DNAH1: variants seen among roughly 807,000 people sequenced by gnomAD.
The protein encoded by DNAH1 is axonemal beta dynein heavy chain 1.
A neutral mutation model predicts 484.3 loss-of-function variants in DNAH1; 327 were observed. The observed-to-expected ratio is 0.68, with a 90% CI of 0.62 to 0.74. The LOEUF (loss-of-function observed/expected upper bound fraction) is 0.74, where lower values mean the gene tolerates loss of function less well. Ranked by LOEUF, DNAH1 falls within the 30% of genes least tolerant of loss-of-function variation. The pLI, the probability that DNAH1 is intolerant of heterozygous loss-of-function variation, is 0.00. For synonymous variants in DNAH1, 2,192 were observed against 2,191.9 expected (o/e 1.00, Z 0.00); for missense variants, 5,052 against 5,546.8 (o/e 0.91, Z 2.83).
rs2153225921 is a variant in DNAH1, at chr3:52,399,708, C to T, written c.12605C>T (p.Pro4202Leu). The change falls in exon 77 of 78, where the codon CCA (proline) becomes CTA (leucine). Residue 4202 changes from proline to leucine, a missense_variant. Physicochemically the swap from Pro to Leu is moderately conservative, Grantham distance 98. This residue lies in a region of DNAH1 where 853 missense variants were observed against 899.0 expected (regional missense o/e 0.95). Transcript: ENST00000420323. The stretch of plus-strand genomic sequence containing the variant: ...GAGATGGCCGTTATCTGGCTCTTGC[C>T]AACACCCAACCGCAAGGCCCAGGAC... ...YTEMAVIWLL[P>L]TPNRKAQDQD... is the part of the protein sequence containing the mutation. 6.2e-7 allele frequency: 1 copy of T among 1,614,032 alleles called. No homozygotes were observed. Among genetic ancestry groups the T allele is most frequent in the African/African-American group, 1.3e-5 (1 of 75,060 alleles).
At chr3:52,318,095 A>G (rs1036348160) in intron 1 of DNAH1, among the ~76,000 whole-genome samples, 1 of 152,226 alleles carries the variant, frequency 6.6e-6, no homozygotes, top group Admixed American at 6.5e-5. Context: ...TCTGTCGCCC[A>G]GGCTGGAGTG....
At position 52,362,438 on chromosome 3, in the gene DNAH1, C is replaced by T. The variant is rs541221186; in HGVS notation, c.5031C>T (p.Cys1677=). ...TGGAGATCCCACTGGTGCCATCCTG[C>T]GCAGTGTTTATCACCATGAACCCGG... is the stretch of plus-strand genomic sequence containing the variant. ...EGVEIPLVPS[C]AVFITMNPGY... Residue 1677 remains cysteine (C), a synonymous_variant, in exon 31 of 78, where the codon TGC becomes TGT. Coordinates refer to ENST00000420323, the MANE Select transcript of DNAH1 (RefSeq NM_015512.5). The surrounding 1 kb of genome is among the most constrained non-coding windows in gnomAD (Gnocchi z 5.1). 2.5e-5 allele frequency: 41 copies of T among 1,614,006 alleles called. 1 individual carries two copies. The South Asian group carries it at 3.4e-4, about 13-fold the overall frequency.
At chr3:52,344,116 A>G (rs1394469210) in intron 8 of DNAH1, among the ~76,000 whole-genome samples, 1 of 152,188 alleles carries the variant, frequency 6.6e-6, no homozygotes, top group Non-Finnish European at 1.5e-5. Flanking sequence ...CCACTGCACC[A>G]TGGGGCAGCA....
At chr3:52,393,285 C>T in intron 65 of DNAH1, 49 bp from the exon 66 acceptor site, 1 of 1,594,910 alleles carries the variant, frequency 6.3e-7, no homozygotes, top group Non-Finnish European at 8.6e-7. Flanking sequence ...CCCCGGGGCT[C>T]TTCCTTCCTC....
chr3:52,316,483 A>C lies in DNAH1; in HGVS notation c.-97A>C, dbSNP rs1308708393. 1 of 152,252 alleles carries C rather than the reference A, an allele frequency of 6.6e-6. No homozygotes were observed. Among genetic ancestry groups the C allele is most frequent in the African/African-American group, 2.4e-5 (1 of 41,444 alleles). 9.4% of individuals were successfully genotyped at this position (152,252 alleles called of 1,614,324 possible). On this transcript the variant is annotated 5_prime_UTR_variant, in exon 1 of 78. Coordinates refer to ENST00000420323, the MANE Select transcript of DNAH1 (RefSeq NM_015512.5). ...TCACTGAGTACCTGTGTGAATGCCA[A>C]CAAGAAAAATAAAACCACAGTTTGG...
upstream of DNAH1, among the ~76,000 whole-genome samples, chr3:52,312,888 G>A (rs991972507): frequency 2.0e-5 from 3 of 152,070 alleles, no homozygotes; most frequent in Non-Finnish European, 4.4e-5. Flanking sequence ...TCCTGACCTC[G>A]TGATCTGCCC....
At chr3:52,360,488 GA>G in intron 28 of DNAH1, 64 bp downstream of exon 28, 1 of 1,412,252 alleles carries the variant, frequency 7.1e-7, no homozygotes, top group Non-Finnish European at 9.9e-7. Context: ...TCTGGCCCAG[GA>G]ATCCAGGGAC....
intron 8 of DNAH1, among the ~76,000 whole-genome samples, chr3:52,332,778 CTT>C (rs1701603135): frequency 6.6e-6 from 1 of 152,218 alleles, no homozygotes; most frequent in South Asian, 2.1e-4. Flanking sequence ...CCTAAGATAA[CTT>C]TACTTTCTGG....
At chr3:52,369,718 C>T in intron 37 of DNAH1, 107 bp from the exon 38 acceptor site, 2 of 1,262,370 alleles carry the variant, frequency 1.6e-6, no homozygotes, top group South Asian at 1.5e-5. Flanking sequence ...AGCCTGCCCA[C>T]ACCGCCCACT....
upstream of DNAH1, among the ~76,000 whole-genome samples, chr3:52,313,207 T>G (rs696652): frequency 1 from 152,191 of 152,298 alleles, 76,042 homozygotes; most frequent in Non-Finnish European, 1. Context: ...GGGGGCCCTG[T>G]TGATGGACAG....
At position 52,395,817 on chromosome 3, in the gene DNAH1, G is replaced by A. The variant is rs1578205806; in HGVS notation, c.11259+139G>A. ...GGCAAGTGCTCAGCAACTGACATGTGCCACACATCGACATCATTAATCCTC... is the reference window on the plus strand; with the variant it reads ...GGCAAGTGCTCAGCAACTGACATGTACCACACATCGACATCATTAATCCTC... On this transcript the variant is annotated intron_variant, in intron 70 of 77. Transcript: ENST00000420323. This position sits in a 1 kb window ranked among gnomAD's most constrained non-coding sequence, Gnocchi z 4.4. The A allele has an allele frequency of 9.6e-6, 12 of 1,244,566 alleles. No homozygotes were observed. The South Asian group carries it at 1.3e-4, about 14-fold the overall frequency. 77.1% of individuals were successfully genotyped at this position (1,244,566 alleles called of 1,614,324 possible).
At chr3:52,382,207 G>T (rs1703880022) in intron 49 of DNAH1, 113 bp from the exon 50 acceptor site, 1 of 1,564,112 alleles carries the variant, frequency 6.4e-7, no homozygotes, top group Non-Finnish European at 8.7e-7. Context: ...CTGCAGGTCT[G>T]CCCAGGATGG....
At position 52,362,944 on chromosome 3, in the gene DNAH1, G is replaced by T. The variant is rs1013397580; in HGVS notation, c.5095-51G>T. ...AGGAGGGCCGGATGAAGCTGGGGGT[G>T]CTCTGGGGGTGAGCTCTGTTTGCTG... On this transcript the variant is annotated intron_variant, in intron 31 of 77. Coordinates refer to ENST00000420323, the MANE Select transcript of DNAH1 (RefSeq NM_015512.5). This position sits in a 1 kb window ranked among gnomAD's most constrained non-coding sequence, Gnocchi z 5.1. The T allele has an allele frequency of 2.3e-5, 37 of 1,609,522 alleles. No homozygotes were observed. Among genetic ancestry groups the T allele is most frequent in the Middle Eastern group, 1.7e-4 (1 of 6,056 alleles).
Position 52,356,790 on chromosome 3 carries a change from G to A in DNAH1, c.3858+12G>A. ...ACGAGAACCGGGAGGCAAGCTCAAT[G>A]AGGGTGGGAGGGGCAGCTGGGATCC... On this transcript the variant is annotated intron_variant, in intron 22 of 77. Coordinates refer to ENST00000420323, the MANE Select transcript of DNAH1 (RefSeq NM_015512.5). The A allele has an allele frequency of 6.3e-7, 1 of 1,587,846 alleles. No homozygotes were observed. The highest frequency in any genetic ancestry group is 1.8e-5 in the Admixed American group (1 of 55,178).
chr3:52,385,085 C>A, intron 53 of DNAH1, 108 bp downstream of exon 53: 2 of 1,351,430 alleles, frequency 1.5e-6, no homozygotes, highest in Non-Finnish European at 1.0e-6. Flanking sequence ...AACTGCAGCC[C>A]ACGACGTTGA....
chr3:52,363,237 G>A (rs1226517129), intron 32 of DNAH1, 93 bp downstream of exon 32: 17 of 1,518,576 alleles, frequency 1.1e-5, no homozygotes, highest in Middle Eastern at 2.3e-4. Flanking sequence ...CTCTATGCCC[G>A]GTGCTTTACA....
At chr3:52,372,801 G>A (rs1399492977) in intron 43 of DNAH1, 95 bp from the exon 44 acceptor site, 3 of 1,497,512 alleles carry the variant, frequency 2.0e-6, no homozygotes, top group Non-Finnish European at 2.7e-6. Context: ...ATTTAGCAAG[G>A]GCTTCCCAGA....
chr3:52,388,751 C>T (rs1038606337), intron 58 of DNAH1, 55 bp from the exon 59 acceptor site: 10 of 1,607,480 alleles, frequency 6.2e-6, no homozygotes, highest in Non-Finnish European at 8.5e-6. Context: ...GTAGGGCCAG[C>T]CCCAGGCCCC....
rs575096311 is a variant in DNAH1, at chr3:52,348,835, A to T, written c.2107-53A>T. On this transcript the variant is annotated intron_variant, in intron 12 of 77. Coordinates refer to ENST00000420323, the MANE Select transcript of DNAH1 (RefSeq NM_015512.5). ...AGGACTCCCCATCTCCCCTCTGCTC[A>T]TTCACCCCCTGGCTCATCCAGGTCT... 28 of 1,581,742 alleles carry T rather than the reference A, an allele frequency of 1.8e-5. 1 individual carries two copies. The Middle Eastern group carries it at 1.0e-3, about 57-fold the overall frequency.
Sources: gnomAD v4.1 joint callset for allele counts (sites outside exome capture counted in the v4.1 genomes callset) on GRCh38, gnomAD v4.1.1 for gene constraint, gnomAD v4.1.1 regional missense constraint, Gnocchi (gnomAD v3.1) non-coding constraint, MANE v1.5 for transcripts, NCBI Gene and HGNC (gene_info 2026-07-23, HGNC 2026-07-21) for gene names.